Variants in PEX14 observed in about 807,000 individuals in gnomAD.
The protein encoded by PEX14 is peroxisomal membrane protein PEX14.
Under a neutral mutation model 49.5 loss-of-function variants are expected in PEX14, and 15 were observed. The ratio of observed to expected loss-of-function variants is 0.30; its 90% confidence interval spans 0.20 to 0.47. The LOEUF is 0.47. PEX14 is among the 20% of genes least tolerant of loss of function. PEX14 has a pLI of 1.00. For missense variants in PEX14, 398 were observed against 494.8 expected, an observed-to-expected ratio of 0.80 and a Z score of 1.86; for synonymous variants, 210 against 212.7, an observed-to-expected ratio of 0.99 and a Z score of 0.11.
At chr1:10,521,504 GA>G (rs1396172321) in intron 2 of PEX14, among the ~76,000 whole-genome samples, 1 of 152,218 alleles carries the variant, frequency 6.6e-6, no homozygotes, top group African/African-American at 2.4e-5. Context: ...CTTTGAAGAT[GA>G]AAAGTGTTAC....
rs540796207 is a variant in PEX14, at chr1:10,628,866, G to T, written c.678-665G>T. Among the ~76,000 whole-genome samples the T allele has an allele frequency of 2.0e-5, 3 of 152,312 alleles. No individual in the cohort carries two copies. The East Asian group carries it at 5.8e-4, about 29-fold the overall frequency. On this transcript the variant is annotated intron_variant, in intron 8 of 8. Transcript: ENST00000356607. The surrounding 1 kb of genome is among the most constrained non-coding windows in gnomAD (Gnocchi z 4.5). ...TCTGTCTCTGAGCCGTTGCCAAGTG[G>T]ACCTGACCTCCCAGGTCCCTCCTGG...
chr1:10,585,429 A>C (rs1640452281), intron 3 of PEX14, among the ~76,000 whole-genome samples: 2 of 152,238 alleles, frequency 1.3e-5, no homozygotes, highest in African/African-American at 4.8e-5. Flanking sequence ...CATTTACATT[A>C]AATATAAATG....
At chr1:10,591,334 T>C (rs1640659028) in intron 3 of PEX14, among the ~76,000 whole-genome samples, 1 of 151,998 alleles carries the variant, frequency 6.6e-6, no homozygotes, top group Non-Finnish European at 1.5e-5. Flanking sequence ...TGGGTGTCTT[T>C]CTGTTATAAT....
chr1:10,629,496 C>T lies in PEX14; in HGVS notation c.678-35C>T. On this transcript the variant is annotated intron_variant, in intron 8 of 8. Coordinates refer to ENST00000356607, the MANE Select transcript of PEX14 (RefSeq NM_004565.3). This position sits in a 1 kb window ranked among gnomAD's most constrained non-coding sequence, Gnocchi z 8.5. ...CCTTCGAAGGGGGGCGTCCTGAATG[C>T]CGCCACCAACCTCCTCCCCTTCTTC... 2 of 1,486,124 alleles carry T rather than the reference C, an allele frequency of 1.3e-6. No individual in the cohort carries two copies. The highest frequency in any genetic ancestry group is 1.9e-6 in the Non-Finnish European group (2 of 1,067,178). 92.1% of individuals were successfully genotyped at this position (1,486,124 alleles called of 1,614,324 possible). A position where few individuals can be genotyped will look rare whatever the true frequency, so the allele number is the denominator to read the frequency against.
intron 5 of PEX14, among the ~76,000 whole-genome samples, chr1:10,618,843 C>G (rs1349088038): frequency 6.6e-6 from 1 of 152,246 alleles, no homozygotes; most frequent in Non-Finnish European, 1.5e-5. Flanking sequence ...TTGGTGATCA[C>G]AGGCTCTGGT....
At chr1:10,491,233 G>C (rs754110794) in intron 1 of PEX14, among the ~76,000 whole-genome samples, 2 of 151,698 alleles carry the variant, frequency 1.3e-5, no homozygotes, top group African/African-American at 2.4e-5. Context: ...GGTAGGCCAT[G>C]ATTAAAAAAA....
At chr1:10,536,607 T>C (rs915615916) in intron 3 of PEX14, 1 of 374,596 alleles carries the variant, frequency 2.7e-6, no homozygotes, top group African/African-American at 2.1e-5. Context: ...GTTTTTGGTC[T>C]GCTCTGTGTC....
At chr1:10,552,460 T>C (rs1639364032) in intron 3 of PEX14, among the ~76,000 whole-genome samples, 1 of 152,204 alleles carries the variant, frequency 6.6e-6, no homozygotes, top group Non-Finnish European at 1.5e-5. Context: ...AATCTGCTTT[T>C]TAGATTCATT....
chr1:10,599,601 G>A (rs915789868), intron 4 of PEX14, among the ~76,000 whole-genome samples: 3 of 152,204 alleles, frequency 2.0e-5, no homozygotes. Context: ...TTTTATTGTT[G>A]TTTCAGGTAT....
At chr1:10,612,189 G>T (rs1379680481) in intron 4 of PEX14, among the ~76,000 whole-genome samples, 1 of 152,084 alleles carries the variant, frequency 6.6e-6, no homozygotes, top group Admixed American at 6.5e-5. Flanking sequence ...GAGAGTCAAG[G>T]TTCATTTTTT....
intron 3 of PEX14, among the ~76,000 whole-genome samples, chr1:10,537,118 T>C (rs1638828813): frequency 6.6e-6 from 1 of 152,120 alleles, no homozygotes; most frequent in African/African-American, 2.4e-5. Flanking sequence ...AGGTGGGTGA[T>C]ATTTCCTAGG....
chr1:10,511,784 C>A (rs6540935), intron 2 of PEX14, among the ~76,000 whole-genome samples: 13,208 of 152,080 alleles, frequency 0.087, 1,378 homozygotes, highest in African/African-American at 0.25. Context: ...CCTCTGACTT[C>A]TGTGGTCTCT....
chr1:10,490,173 C>T (rs1223141671), intron 1 of PEX14, among the ~76,000 whole-genome samples: 1 of 152,162 alleles, frequency 6.6e-6, no homozygotes, highest in Admixed American at 6.5e-5. Context: ...TTCTTAATGC[C>T]AAAGCTTGTG....
intron 3 of PEX14, among the ~76,000 whole-genome samples, chr1:10,562,619 C>A (rs573664264): frequency 2.4e-4 from 37 of 152,180 alleles, no homozygotes; most frequent in Non-Finnish European, 5.0e-4. Flanking sequence ...GTCTTTCCGG[C>A]ATCATAAAAG....
intron 3 of PEX14, among the ~76,000 whole-genome samples, chr1:10,562,666 A>T (rs1639682639): frequency 6.6e-6 from 1 of 152,114 alleles, no homozygotes; most frequent in South Asian, 2.1e-4. Context: ...TTTCACTTTG[A>T]TCTGTTGGTT....
intron 3 of PEX14, among the ~76,000 whole-genome samples, chr1:10,580,190 G>A (rs1431521164): frequency 6.6e-6 from 1 of 152,050 alleles, no homozygotes; most frequent in Admixed American, 6.6e-5. Context: ...TACAACAAGA[G>A]CACAAAGGAC....
intron 2 of PEX14, among the ~76,000 whole-genome samples, chr1:10,520,149 T>TTC (rs35353568): frequency 4.1e-4 from 9 of 21,952 alleles, no homozygotes; most frequent in African/African-American, 7.2e-4. Context: ...CTTCTTCTTC[T>TTC]TTTTTTTTTT....
intron 2 of PEX14, among the ~76,000 whole-genome samples, chr1:10,526,816 C>T (rs1638497652): frequency 1.3e-5 from 2 of 152,086 alleles, no homozygotes; most frequent in Non-Finnish European, 2.9e-5. Context: ...TTTGGATTTT[C>T]AGATTAGGGA....
Position 10,514,704 on chromosome 1 carries a change from G to T in PEX14, c.84+19383G>T, listed in dbSNP as rs1371782575. 6.6e-6 allele frequency among the ~76,000 whole-genome samples: 1 copy of T among 152,136 alleles called. No homozygotes were observed. Among genetic ancestry groups the T allele is most frequent in the East Asian group, 1.9e-4 (1 of 5,196 alleles). ...AGAAGTTTTTCTGCTTGAGTTGGAG[G>T]TGTTGTCTCTTTGAGATGTTTGTCT... is the stretch of plus-strand genomic sequence containing the variant. On this transcript the variant is annotated intron_variant, in intron 2 of 8. Coordinates refer to ENST00000356607, the MANE Select transcript of PEX14 (RefSeq NM_004565.3). The surrounding 1 kb of genome is among the most constrained non-coding windows in gnomAD (Gnocchi z 4.4).
Sources: gnomAD v4.1 joint callset for allele counts (sites outside exome capture counted in the v4.1 genomes callset) on GRCh38, gnomAD v4.1.1 for gene constraint, Gnocchi (gnomAD v3.1) non-coding constraint, MANE v1.5 for transcripts, NCBI Gene and HGNC (gene_info 2026-07-23, HGNC 2026-07-21) for gene names.